Variants in CSMD1 observed in about 807,000 individuals in gnomAD.
CSMD1 encodes CUB and Sushi multiple domains 1.
A neutral mutation model predicts 417.5 loss-of-function variants in CSMD1; 213 were observed. The observed-to-expected ratio is 0.51, with a 90% CI of 0.46 to 0.57. The LOEUF is 0.57. CSMD1 is among the 20% of genes least tolerant of loss of function. The probability of loss-of-function intolerance (pLI) is 0.00; values close to 1 mark genes in which losing one functional copy is unlikely to be tolerated. For missense variants in CSMD1, 6,923 were observed against 4,529.7 expected, an observed-to-expected ratio of 1.53 and a Z score of -15.17; for synonymous variants, 2,862 against 1,736.8, an observed-to-expected ratio of 1.65 and a Z score of -16.11.
At chr8:3,597,410 A>G (rs1801146371) in intron 8 of CSMD1, among the ~76,000 whole-genome samples, 1 of 77,856 alleles carries the variant, frequency 1.3e-5, no homozygotes, top group Admixed American at 1.5e-4. Flanking sequence ...AATCCCAAAT[A>G]AAGTAGGGAA....
At chr8:4,900,568 G>A (rs187521395) in intron 1 of CSMD1, among the ~76,000 whole-genome samples, 10 of 152,108 alleles carry the variant, frequency 6.6e-5, no homozygotes, top group African/African-American at 2.2e-4. Context: ...TTCTCCCAGT[G>A]CCACCTTTCT....
At chr8:3,642,609 C>T (rs1797363196) in intron 7 of CSMD1, among the ~76,000 whole-genome samples, 2 of 152,082 alleles carry the variant, frequency 1.3e-5, no homozygotes, top group African/African-American at 4.8e-5. Context: ...AACGAGAAAA[C>T]CTGGCATCGT....
At chr8:4,786,841 A>C (rs1165470253) in intron 1 of CSMD1, among the ~76,000 whole-genome samples, 3 of 152,230 alleles carry the variant, frequency 2.0e-5, no homozygotes, top group Non-Finnish European at 2.9e-5. Context: ...AATTCAGACT[A>C]TGAATGATAC....
At chr8:4,157,500 G>C (rs1584927251) in intron 3 of CSMD1, among the ~76,000 whole-genome samples, 1 of 152,082 alleles carries the variant, frequency 6.6e-6, no homozygotes, top group African/African-American at 2.4e-5. Context: ...AGCGGAGAAA[G>C]AGGCTCAAAG....
chr8:3,998,181 G>T, intron 4 of CSMD1, 71 bp from the exon 5 acceptor site: 1 of 1,342,584 alleles, frequency 7.4e-7, no homozygotes, highest in Non-Finnish European at 1.0e-6. Flanking sequence ...TGTCCACCAA[G>T]TGTCACTCTT....
intron 10 of CSMD1, among the ~76,000 whole-genome samples, chr8:3,566,426 G>A (rs984780844): frequency 6.6e-6 from 1 of 151,942 alleles, no homozygotes; most frequent in African/African-American, 2.4e-5. Context: ...CTTCACTCTA[G>A]GCACCACTGT....
chr8:3,214,416 A>T (rs1797779015), intron 30 of CSMD1, 81 bp downstream of exon 30: 1 of 1,227,234 alleles, frequency 8.1e-7, no homozygotes, highest in Admixed American at 2.8e-5. Context: ...TACGTGTTGA[A>T]ATGTGAAACC....
chr8:3,317,606 G>A, intron 23 of CSMD1, among the ~76,000 whole-genome samples: 1 of 152,128 alleles, frequency 6.6e-6, no homozygotes, highest in East Asian at 1.9e-4. Context: ...TTGTTTAATA[G>A]GAACTTCTGT....
intron 10 of CSMD1, among the ~76,000 whole-genome samples, chr8:3,544,849 T>G (rs182372582): frequency 2.6e-5 from 4 of 152,328 alleles, no homozygotes; most frequent in Admixed American, 2.0e-4. Context: ...TAGTCCAAGA[T>G]GCCTTACAGC....
intron 31 of CSMD1, among the ~76,000 whole-genome samples, chr8:3,203,592 A>G (rs535234634): frequency 1.3e-5 from 2 of 152,180 alleles, no homozygotes; most frequent in Non-Finnish European, 2.9e-5. Context: ...GCAAATAGTC[A>G]ACTTCAGCTA....
At chr8:3,265,999 C>T (rs991772847) in intron 26 of CSMD1, among the ~76,000 whole-genome samples, 1 of 151,836 alleles carries the variant, frequency 6.6e-6, no homozygotes, top group African/African-American at 2.4e-5. Flanking sequence ...ATGAACTTAT[C>T]TAATTGGCAT....
At chr8:4,254,549 A>C (rs1031406920) in intron 3 of CSMD1, among the ~76,000 whole-genome samples, 3 of 152,172 alleles carry the variant, frequency 2.0e-5, no homozygotes, top group African/African-American at 7.2e-5. Context: ...TGAAGACTAC[A>C]GTAGTGTACA....
intron 5 of CSMD1, among the ~76,000 whole-genome samples, chr8:3,889,565 GTGTGTA>G (rs959961177): frequency 1.1e-4 from 16 of 146,292 alleles, no homozygotes; most frequent in African/African-American, 4.0e-4. Context: ...GTGTCTGTGT[GTGTGTA>G]TGTGTATGTA....
intron 1 of CSMD1, among the ~76,000 whole-genome samples, chr8:4,841,290 G>C (rs74979613): frequency 1.3e-5 from 2 of 152,312 alleles, no homozygotes; most frequent in East Asian, 3.9e-4. Context: ...TTAGCCTTAA[G>C]ATTTTTAAAC....
intron 49 of CSMD1, among the ~76,000 whole-genome samples, chr8:3,079,408 A>G (rs1813922205): frequency 6.6e-6 from 1 of 152,248 alleles, no homozygotes; most frequent in Non-Finnish European, 1.5e-5. Flanking sequence ...TTTAAATGTA[A>G]GTTTCTAATG....
chr8:4,172,172 G>A (rs891016472), intron 3 of CSMD1, among the ~76,000 whole-genome samples: 1 of 152,040 alleles, frequency 6.6e-6, no homozygotes, highest in Non-Finnish European at 1.5e-5. Flanking sequence ...AAGTGTTTGT[G>A]CCTTTTAATG....
Position 3,880,582 on chromosome 8 carries a change from C to T in CSMD1, c.818+117321G>A, listed in dbSNP as rs564036962. ...ATTGTGAATAGCCAGTTATCTTCCA[C>T]TACACAAATAGTACTATATTTTTGG... On this transcript the variant is annotated intron_variant, in intron 5 of 69. Transcript: ENST00000635120. Among the ~76,000 whole-genome samples, 13 of 152,300 alleles carry T rather than the reference C, an allele frequency of 8.5e-5. No individual in the cohort carries two copies. The East Asian group carries it at 2.1e-3, about 25-fold the overall frequency.
chr8:4,077,307 A>ATATATATGTG (rs879414534), intron 3 of CSMD1, among the ~76,000 whole-genome samples: 9,429 of 140,950 alleles, frequency 0.067, 456 homozygotes, highest in Middle Eastern at 0.11. Flanking sequence ...GTATATATAT[A>ATATATATGTG]TATATATATA....
chr8:4,098,017 G>A (rs1437838587), intron 3 of CSMD1, among the ~76,000 whole-genome samples: 1 of 152,174 alleles, frequency 6.6e-6, no homozygotes, highest in African/African-American at 2.4e-5. Flanking sequence ...AGAGTGATTT[G>A]CAGGAGTTCA....
Sources: allele counts gnomAD v4.1 joint callset (sites outside exome capture counted in the v4.1 genomes callset), GRCh38; gene constraint gnomAD v4.1.1; transcripts MANE v1.5; gene names NCBI Gene and HGNC (gene_info 2026-07-23, HGNC 2026-07-21).